Variants in PUDP observed in about 807,000 individuals in gnomAD.
PUDP encodes pseudouridine 5'-phosphatase, also known as pseudouridine-5'-phosphatase.
Under a neutral mutation model 9.4 loss-of-function variants are expected in PUDP, and 8 were observed. The observed-to-expected ratio is 0.85, with a 90% CI of 0.50 to 1.53. The LOEUF (loss-of-function observed/expected upper bound fraction) is 1.53. PUDP is among the 40% of genes most tolerant of loss of function. The pLI, the probability that PUDP is intolerant of heterozygous loss-of-function variation, is 0.00. For synonymous variants in PUDP, 99 were observed against 80.7 expected (o/e 1.23, Z -1.22); for missense variants, 188 against 189.7 (o/e 0.99, Z 0.05).
intron 3 of PUDP, among the ~76,000 whole-genome samples, chrX:6,836,940 T>G (rs978245019): frequency 8.9e-6 from 1 of 112,025 alleles, no homozygotes; most frequent in East Asian, 2.8e-4. Flanking sequence ...CCATTTGTGA[T>G]AAAAACTGAG....
chrX:6,762,420 C>T (rs973110821), intron 3 of PUDP, among the ~76,000 whole-genome samples: 26 of 111,964 alleles, frequency 2.3e-4, no homozygotes, highest in African/African-American at 8.4e-4. Context: ...ACTTTTCTAC[C>T]TTCATTTTCA....
rs1256839319 is a variant in PUDP, at chrX:7,091,301, A to G, written c.281-13852T>C. 2.7e-5 allele frequency among the ~76,000 whole-genome samples: 3 copies of G among 111,923 alleles called. No individual in the cohort carries two copies. The Admixed American group carries it at 2.8e-4, about 11-fold the overall frequency. On this transcript the variant is annotated intron_variant, in intron 2 of 3. Transcript: ENST00000381077. The stretch of plus-strand genomic sequence containing the variant: ...TCCTAGGTTTCACTAGAATGTGGAA[A>G]GCTCTGGAAACTCAAAGGGAAGGCA...
At chrX:6,824,130 TGGG>T (rs1209756459) in intron 3 of PUDP, among the ~76,000 whole-genome samples, 1 of 111,829 alleles carries the variant, frequency 8.9e-6, no homozygotes, top group African/African-American at 3.3e-5. Flanking sequence ...AATTGAATCA[TGGG>T]GGCAGTCACC....
chrX:6,966,894 G>A (rs1394041693), intron 3 of PUDP, among the ~76,000 whole-genome samples: 1 of 111,748 alleles, frequency 8.9e-6, no homozygotes, highest in African/African-American at 3.3e-5. Flanking sequence ...AGGGATGCTG[G>A]TTTTAACAAG....
intron 3 of PUDP, among the ~76,000 whole-genome samples, chrX:6,876,639 ATGTGTGTGTG>A (rs111935866): frequency 1.3e-4 from 12 of 92,814 alleles, no homozygotes; most frequent in African/African-American, 3.1e-4. Flanking sequence ...CTAAAATGTT[ATGTGTGTGTG>A]TGTGTGTGTG....
At chrX:6,983,975 C>G (rs999927559) in intron 1 of PUDP, among the ~76,000 whole-genome samples, 30 of 112,493 alleles carry the variant, frequency 2.7e-4, no homozygotes, top group African/African-American at 8.4e-4. Flanking sequence ...AGTGTACTTT[C>G]GTTTTCAATA....
At chrX:7,137,195 C>T (rs1165112862) in intron 1 of PUDP, among the ~76,000 whole-genome samples, 1 of 104,983 alleles carries the variant, frequency 9.5e-6, no homozygotes, top group Non-Finnish European at 1.9e-5. Context: ...GAGCCAAGAT[C>T]GCGCCATTGC....
At chrX:7,132,358 G>A (rs1397714882) in intron 1 of PUDP, among the ~76,000 whole-genome samples, 1 of 112,003 alleles carries the variant, frequency 8.9e-6, no homozygotes, top group African/African-American at 3.3e-5. Flanking sequence ...CATCTGAATG[G>A]AGCCACCTAA....
At chrX:7,060,231 A>G (rs938745946) in intron 3 of PUDP, among the ~76,000 whole-genome samples, 8 of 111,968 alleles carry the variant, frequency 7.1e-5, no homozygotes, top group African/African-American at 2.6e-4. Flanking sequence ...AAATATAGTA[A>G]CTGCTGACTC....
intron 3 of PUDP, among the ~76,000 whole-genome samples, chrX:7,053,543 C>T (rs911943120): frequency 7.1e-5 from 8 of 111,900 alleles, no homozygotes; most frequent in Admixed American, 9.4e-5. Flanking sequence ...AAACCCCTTT[C>T]GCTTGGCTCT....
At chrX:6,828,273 G>A (rs5989583) in intron 3 of PUDP, among the ~76,000 whole-genome samples, 29,233 of 110,703 alleles carry the variant, frequency 0.26, 3,061 homozygotes, top group African/African-American at 0.38. Context: ...TTGCATACTT[G>A]TTTGTCTACT....
chrX:6,744,691 G>A (rs112468968), intron 3 of PUDP, among the ~76,000 whole-genome samples: 5,402 of 110,995 alleles, frequency 0.049, 124 homozygotes, highest in African/African-American at 0.074. Flanking sequence ...TTTCCCAGGG[G>A]GGCGAAAGAC....
intron 3 of PUDP, among the ~76,000 whole-genome samples, chrX:6,743,557 G>A (rs773293642): frequency 1.8e-5 from 2 of 111,822 alleles, no homozygotes; most frequent in Non-Finnish European, 3.8e-5. Context: ...TCCATATGTT[G>A]AATTTATATC....
chrX:7,081,908 C>T (rs1342009358), intron 2 of PUDP, among the ~76,000 whole-genome samples: 1 of 112,827 alleles, frequency 8.9e-6, no homozygotes, highest in East Asian at 2.8e-4. Context: ...ATGAACGATC[C>T]TAATCACCTG....
intron 3 of PUDP, among the ~76,000 whole-genome samples, chrX:6,883,521 C>CA (rs753618830): frequency 0.043 from 1,770 of 40,696 alleles, 63 homozygotes; most frequent in African/African-American, 0.11. Context: ...GACCTTGTCT[C>CA]AAAAAAAAAA....
intron 3 of PUDP, among the ~76,000 whole-genome samples, chrX:6,934,514 G>A (rs1025594400): frequency 9.1e-6 from 1 of 110,094 alleles, no homozygotes; most frequent in African/African-American, 3.3e-5. Context: ...ACCGGTACCA[G>A]CCGCTGCAAA....
chrX:6,845,080 C>T (rs936785508), intron 3 of PUDP, among the ~76,000 whole-genome samples: 1 of 112,253 alleles, frequency 8.9e-6, no homozygotes, highest in Admixed American at 9.4e-5. Flanking sequence ...CTCATCTCTT[C>T]CAGAAACACT....
intron 1 of PUDP, among the ~76,000 whole-genome samples, chrX:7,042,303 G>A (rs754934303): frequency 3.6e-5 from 4 of 110,885 alleles, no homozygotes; most frequent in South Asian, 3.9e-4. Flanking sequence ...TCTCACCAAC[G>A]TCACGTATTG....
intron 1 of PUDP, among the ~76,000 whole-genome samples, chrX:6,986,273 C>T (rs1463927123): frequency 9.0e-6 from 1 of 111,674 alleles, no homozygotes; most frequent in Non-Finnish European, 1.9e-5. Flanking sequence ...TGCAGATTTG[C>T]TCTGAATTAT....
Sources: gnomAD v4.1 joint callset for allele counts (sites outside exome capture counted in the v4.1 genomes callset) on GRCh38, gnomAD v4.1.1 for gene constraint, MANE v1.5 for transcripts, NCBI Gene and HGNC (gene_info 2026-07-23, HGNC 2026-07-21) for gene names.